SAMD3: variants seen among roughly 807,000 people sequenced by gnomAD.
SAMD3 encodes sterile alpha motif domain containing 3.
SAMD3 carries 63 observed loss-of-function variants against 58.5 expected under a neutral mutation model. That is an observed-to-expected ratio of 1.08 (90% CI 0.88 to 1.33). The LOEUF is 1.33. SAMD3 is among the 40% of genes most tolerant of loss of function. The probability of loss-of-function intolerance (pLI) is 0.00; values close to 1 mark genes in which losing one functional copy is unlikely to be tolerated. For missense variants in SAMD3, 604 were observed against 608.4 expected, an observed-to-expected ratio of 0.99 and a Z score of 0.08; for synonymous variants, 220 against 210.3, an observed-to-expected ratio of 1.05 and a Z score of -0.40.
At chr6:130,182,071 A>AC (rs200964931) in intron 7 of SAMD3, among the ~76,000 whole-genome samples, 80,328 of 148,864 alleles carry the variant, frequency 0.54, 22,018 homozygotes, top group Non-Finnish European at 0.57. Context: ...TCTCAAAAAA[A>AC]AAAAAAAAAA....
chr6:130,153,714 C>T (rs949540061), intron 9 of SAMD3, among the ~76,000 whole-genome samples: 1 of 146,504 alleles, frequency 6.8e-6, no homozygotes, highest in Non-Finnish European at 1.5e-5. Flanking sequence ...CTCACTGTGT[C>T]ACCAAGCTGC....
intron 1 of SAMD3, among the ~76,000 whole-genome samples, chr6:130,219,535 CT>C (rs1796135444): frequency 6.6e-6 from 1 of 152,128 alleles, no homozygotes; most frequent in Non-Finnish European, 1.5e-5. Context: ...ATTCCTATGC[CT>C]TTTCATCCTC....
chr6:130,325,537 T>C (rs966842138), intron 1 of SAMD3, among the ~76,000 whole-genome samples: 5 of 152,008 alleles, frequency 3.3e-5, no homozygotes, highest in Non-Finnish European at 7.4e-5. Flanking sequence ...AATGTTCATC[T>C]CTTCTGGAAA....
intron 2 of SAMD3, among the ~76,000 whole-genome samples, chr6:130,302,309 C>G (rs1381177734): frequency 6.6e-6 from 1 of 152,006 alleles, no homozygotes; most frequent in East Asian, 1.9e-4. Flanking sequence ...TACAAGAGGC[C>G]AACAAACATA....
chr6:130,296,874 G>A (rs1007640693), intron 2 of SAMD3, among the ~76,000 whole-genome samples: 2 of 152,176 alleles, frequency 1.3e-5, no homozygotes, highest in African/African-American at 4.8e-5. Flanking sequence ...TGACAGGGGT[G>A]TGATAGGGAA....
At chr6:130,349,256 C>CA (rs1248403205) in intron 1 of SAMD3, among the ~76,000 whole-genome samples, 2 of 151,906 alleles carry the variant, frequency 1.3e-5, no homozygotes, top group African/African-American at 2.4e-5. Context: ...AATAGAGACA[C>CA]AAAAAACCCT....
intron 8 of SAMD3, 102 bp from the exon 9 acceptor site, chr6:130,155,127 C>CA: frequency 1.3e-6 from 1 of 798,756 alleles, no homozygotes; most frequent in Non-Finnish European, 2.0e-6. Context: ...AGGTGAGTAT[C>CA]ACCATACCTG....
chr6:130,180,971 G>A (rs1792272159), intron 7 of SAMD3, among the ~76,000 whole-genome samples: 1 of 5,434 alleles, frequency 1.8e-4, no homozygotes, highest in African/African-American at 4.2e-4. Flanking sequence ...TTTTGAGACG[G>A]AGTTCCGCTC....
At chr6:130,164,014 T>G (rs923153387) in intron 8 of SAMD3, among the ~76,000 whole-genome samples, 2 of 151,912 alleles carry the variant, frequency 1.3e-5, no homozygotes, top group Non-Finnish European at 2.9e-5. Flanking sequence ...TGTGGAAGGC[T>G]TTGGAATACA....
intron 1 of SAMD3, among the ~76,000 whole-genome samples, chr6:130,217,695 AACAT>A: frequency 6.6e-6 from 1 of 152,360 alleles, no homozygotes; most frequent in East Asian, 1.9e-4. Context: ...CATCATATAA[AACAT>A]ACAAAACATT....
intron 1 of SAMD3, among the ~76,000 whole-genome samples, chr6:130,348,461 A>C (rs564551863): frequency 6.6e-6 from 1 of 152,322 alleles, no homozygotes; most frequent in Admixed American, 6.5e-5. Flanking sequence ...TAAACCAACA[A>C]AGATCAAAAG....
At chr6:130,343,210 C>T (rs1282657214) in intron 1 of SAMD3, among the ~76,000 whole-genome samples, 5 of 151,810 alleles carry the variant, frequency 3.3e-5, no homozygotes, top group East Asian at 1.9e-4. Context: ...ACTGAAAGCT[C>T]GGACATTCTC....
upstream of SAMD3, among the ~76,000 whole-genome samples, chr6:130,225,229 C>T (rs115261467): frequency 0.043 from 6,581 of 152,242 alleles, 460 homozygotes; most frequent in African/African-American, 0.15. Flanking sequence ...ACTGAGACAA[C>T]AAGTATTGCC....
At chr6:130,287,996 C>T (rs1362522836) in intron 2 of SAMD3, among the ~76,000 whole-genome samples, 1 of 151,824 alleles carries the variant, frequency 6.6e-6, no homozygotes, top group Non-Finnish European at 1.5e-5. Context: ...ATGTCCTCCG[C>T]TCCAGGTGGC....
At position 130,353,995 on chromosome 6, in the gene SAMD3, A is replaced by T. The variant is rs139064186; in HGVS notation, c.-304+11125T>A. ...TTGCAAGAAAAAAACAAACAACCCC[A>T]TTAAAAAGTGGGCAAAGGACATGAA... On this transcript the variant is annotated intron_variant, in intron 1 of 13. Transcript: ENST00000368134. Among the ~76,000 whole-genome samples the T allele has an allele frequency of 3.7e-4, 56 of 152,316 alleles. 1 individual carries two copies. The highest frequency in any genetic ancestry group is 3.4e-3 in the Middle Eastern group (1 of 294).
chr6:130,355,758 GTA>G (rs1015452527), intron 1 of SAMD3, among the ~76,000 whole-genome samples: 4 of 152,312 alleles, frequency 2.6e-5, no homozygotes, highest in African/African-American at 7.2e-5. Context: ...AGAAGCACCA[GTA>G]AGAGGGGTCA....
At chr6:130,360,886 A>G (rs301427) in intron 1 of SAMD3, among the ~76,000 whole-genome samples, 152,288 of 152,292 alleles carry the variant, frequency 1, 76,142 homozygotes, top group Middle Eastern at 1. Context: ...ATAATTCAGC[A>G]ATATTTCTCC....
intron 7 of SAMD3, among the ~76,000 whole-genome samples, chr6:130,181,957 C>T (rs898300246): frequency 1.3e-5 from 2 of 150,954 alleles, no homozygotes; most frequent in African/African-American, 2.4e-5. Context: ...CCCAGCTACT[C>T]GGGAGGCTGA....
Position 130,195,442 on chromosome 6 carries a change from A to G in SAMD3, c.384-10819T>C, listed in dbSNP as rs188942353. Reference sequence around the variant, plus strand: ...ACAATTCCCCCATTTTACCTATCCTAGAACAAGACAAGCCTTACAAGTTAG... The same window carrying G: ...ACAATTCCCCCATTTTACCTATCCTGGAACAAGACAAGCCTTACAAGTTAG... On this transcript the variant is annotated intron_variant, in intron 5 of 11. Coordinates refer to ENST00000439090, the MANE Select transcript of SAMD3 (RefSeq NM_001017373.4). 3.5e-3 allele frequency among the ~76,000 whole-genome samples: 536 copies of G among 152,254 alleles called. 7 individuals carry two copies. The highest frequency in any genetic ancestry group is 0.012 in the African/African-American group (513 of 41,524).
Sources: allele counts gnomAD v4.1 joint callset (sites outside exome capture counted in the v4.1 genomes callset), GRCh38; gene constraint gnomAD v4.1.1; transcripts MANE v1.5; gene names NCBI Gene and HGNC (gene_info 2026-07-23, HGNC 2026-07-21).